The following NELL1 variants were observed in gnomAD, a reference collection of about 807,000 sequenced individuals.
The protein encoded by NELL1 is neural EGFL like 1, also known as protein kinase C-binding protein NELL1.
Under a neutral mutation model 107.4 loss-of-function variants are expected in NELL1, and 76 were observed. That is an observed-to-expected ratio of 0.71 (90% CI 0.59 to 0.86). The LOEUF is 0.86. Among genes scored for constraint, NELL1 ranks in the 40% least tolerant of loss-of-function variants. NELL1 has a pLI of 0.00. For missense variants in NELL1, 1,024 were observed against 1,005.5 expected, an observed-to-expected ratio of 1.02 and a Z score of -0.25; for synonymous variants, 353 against 341.2, an observed-to-expected ratio of 1.03 and a Z score of -0.38.
chr11:21,316,904 C>G (rs1202501599), intron 14 of NELL1, among the ~76,000 whole-genome samples: 1 of 151,906 alleles, frequency 6.6e-6, no homozygotes, highest in Non-Finnish European at 1.5e-5. Flanking sequence ...TTCATAAGCA[C>G]AAAGGCTGGG....
intron 15 of NELL1, among the ~76,000 whole-genome samples, chr11:21,405,203 G>A (rs547958563): frequency 0.071 from 108 of 1,520 alleles, no homozygotes; most frequent in African/African-American, 0.085. Flanking sequence ...ACTAGGTTTT[G>A]TTGCTGCTCC....
intron 15 of NELL1, among the ~76,000 whole-genome samples, chr11:21,445,623 C>T (rs557805691): frequency 4.1e-4 from 63 of 152,272 alleles, no homozygotes; most frequent in African/African-American, 1.4e-3. Flanking sequence ...TGAGCCACAG[C>T]GCCCGGCCTA....
At position 21,491,580 on chromosome 11, in the gene NELL1, A is replaced by G. The variant is rs1053607185; in HGVS notation, c.1646-42794A>G. 3.3e-5 allele frequency among the ~76,000 whole-genome samples: 5 copies of G among 152,286 alleles called. No individual in the cohort carries two copies. The East Asian group carries it at 5.8e-4, about 18-fold the overall frequency. On this transcript the variant is annotated intron_variant, in intron 15 of 19. Coordinates refer to ENST00000357134, the MANE Select transcript of NELL1 (RefSeq NM_006157.5). ...ATATCTCTGTTTTGGTACCAGTACC[A>G]TGCTGTTTGGGTTACTGTAGCTTTG...
intron 15 of NELL1, among the ~76,000 whole-genome samples, chr11:21,429,810 A>T (rs1369921181): frequency 1.3e-5 from 2 of 152,168 alleles, no homozygotes; most frequent in African/African-American, 4.8e-5. Flanking sequence ...TGGGTTCACA[A>T]GAGTTCAGAG....
chr11:21,519,633 G>A (rs1203859763), intron 15 of NELL1, among the ~76,000 whole-genome samples: 1 of 151,800 alleles, frequency 6.6e-6, no homozygotes, highest in Admixed American at 6.6e-5. Flanking sequence ...GGAGGTGGAA[G>A]GTGTATCACT....
intron 13 of NELL1, among the ~76,000 whole-genome samples, chr11:21,152,398 G>A (rs893860544): frequency 2.0e-5 from 3 of 152,150 alleles, no homozygotes; most frequent in Non-Finnish European, 2.9e-5. Flanking sequence ...AAAATGAGGT[G>A]CATACTAAAT....
At chr11:20,843,568 A>T (rs1848654314) in intron 3 of NELL1, among the ~76,000 whole-genome samples, 1 of 69,276 alleles carries the variant, frequency 1.4e-5, no homozygotes, top group South Asian at 4.5e-4. Flanking sequence ...TTCTATATAT[A>T]AAATATAATA....
intron 3 of NELL1, among the ~76,000 whole-genome samples, chr11:20,789,325 G>A (rs1362627400): frequency 3.3e-5 from 5 of 152,214 alleles, no homozygotes; most frequent in Admixed American, 1.3e-4. Context: ...CTGCTGCCAC[G>A]GGGTGGGCAG....
intron 2 of NELL1, among the ~76,000 whole-genome samples, chr11:20,699,825 G>T (rs1418398411): frequency 6.6e-6 from 1 of 152,138 alleles, no homozygotes; most frequent in East Asian, 1.9e-4. Context: ...TCAAATGGTA[G>T]TTCTACTTTA....
chr11:21,423,365 TA>T (rs560165237), intron 15 of NELL1, among the ~76,000 whole-genome samples: 220 of 151,570 alleles, frequency 1.5e-3, no homozygotes, highest in African/African-American at 5.2e-3. Flanking sequence ...AGAGACTTCA[TA>T]AAAAAAATTA....
intron 15 of NELL1, among the ~76,000 whole-genome samples, chr11:21,456,470 C>A (rs995870148): frequency 6.6e-6 from 1 of 151,772 alleles, no homozygotes. Context: ...TGTCTGTTTT[C>A]TATAGCCTAA....
intron 12 of NELL1, among the ~76,000 whole-genome samples, chr11:21,021,288 G>A (rs899848395): frequency 6.6e-5 from 10 of 151,718 alleles, no homozygotes; most frequent in Non-Finnish European, 1.5e-4. Flanking sequence ...TGGGGGTGGG[G>A]GTGGGGTGTG....
At chr11:21,218,000 A>G (rs1423014662) in intron 13 of NELL1, among the ~76,000 whole-genome samples, 4 of 152,228 alleles carry the variant, frequency 2.6e-5, no homozygotes, top group African/African-American at 9.6e-5. Context: ...TGACTGTTTA[A>G]TTAGTGCTTG....
intron 14 of NELL1, among the ~76,000 whole-genome samples, chr11:21,254,100 A>G (rs1244985407): frequency 6.6e-6 from 1 of 152,134 alleles, no homozygotes; most frequent in Non-Finnish European, 1.5e-5. Context: ...AGAGCATAGC[A>G]TGTATATGGA....
At chr11:20,956,992 A>G (rs1851188154) in intron 11 of NELL1, among the ~76,000 whole-genome samples, 1 of 151,866 alleles carries the variant, frequency 6.6e-6, no homozygotes, top group Admixed American at 6.6e-5. Flanking sequence ...TAAGGGGGAG[A>G]AAAAAAACAA....
chr11:21,446,128 ACT>A (rs1281970486), intron 15 of NELL1, among the ~76,000 whole-genome samples: 2 of 150,880 alleles, frequency 1.3e-5, no homozygotes, highest in Non-Finnish European at 3.0e-5. Flanking sequence ...CTATTAAGAG[ACT>A]CTGATGCATT....
At chr11:20,733,832 G>A (rs769983062) in intron 2 of NELL1, among the ~76,000 whole-genome samples, 7 of 152,224 alleles carry the variant, frequency 4.6e-5, no homozygotes, top group Non-Finnish European at 8.8e-5. Context: ...TGTTTTAGGT[G>A]ATGGGACTAT....
chr11:20,948,368 A>G (rs1851006200), intron 11 of NELL1, among the ~76,000 whole-genome samples: 1 of 151,754 alleles, frequency 6.6e-6, no homozygotes, highest in African/African-American at 2.4e-5. Flanking sequence ...TTATTTTTCA[A>G]TTGTTATATA....
intron 12 of NELL1, among the ~76,000 whole-genome samples, chr11:21,037,843 G>T (rs188075230): frequency 6.6e-6 from 1 of 152,060 alleles, no homozygotes; most frequent in African/African-American, 2.4e-5. Flanking sequence ...TTTGTAATAC[G>T]CAGTTTTCAG....
Sources: gnomAD v4.1 joint callset for allele counts (sites outside exome capture counted in the v4.1 genomes callset) on GRCh38, gnomAD v4.1.1 for gene constraint, MANE v1.5 for transcripts, NCBI Gene and HGNC (gene_info 2026-07-23, HGNC 2026-07-21) for gene names.